Variants in SRPK2 observed in about 807,000 individuals in gnomAD.
The protein encoded by SRPK2 is SRSF protein kinase 2, also known as SFRS protein kinase 2.
SRPK2 carries 21 observed loss-of-function variants against 90.8 expected under a neutral mutation model. The ratio of observed to expected loss-of-function variants is 0.23; its 90% confidence interval spans 0.16 to 0.33. The LOEUF (loss-of-function observed/expected upper bound fraction) is 0.33. Among genes scored for constraint, SRPK2 ranks in the 10% least tolerant of loss-of-function variants. The probability of loss-of-function intolerance (pLI) is 1.00; values close to 1 mark genes in which losing one functional copy is unlikely to be tolerated. For synonymous variants in SRPK2, 288 were observed against 311.1 expected (o/e 0.93, Z 0.78); for missense variants, 620 against 869.0 (o/e 0.71, Z 3.60).
chr7:105,138,039 C>T (rs999876438), intron 11 of SRPK2, among the ~76,000 whole-genome samples: 1 of 152,076 alleles, frequency 6.6e-6, no homozygotes, highest in African/African-American at 2.4e-5. Context: ...TAGAATTTGC[C>T]AATATTAAAA....
At chr7:105,158,814 T>G (rs57160311) in intron 7 of SRPK2, among the ~76,000 whole-genome samples, 1,739 of 146,220 alleles carry the variant, frequency 0.012, 25 homozygotes, top group African/African-American at 0.04. Context: ...TTTTTTGTGT[T>G]TTTTTTTTTT....
chr7:105,132,604 G>A (rs561462929), intron 13 of SRPK2, among the ~76,000 whole-genome samples, 187 bp downstream of exon 13: 5 of 152,152 alleles, frequency 3.3e-5, no homozygotes, highest in South Asian at 4.1e-4. Context: ...CCCAGGGCCC[G>A]CCTGAGGAGG....
chr7:105,300,329 A>G (rs2131234909), intron 2 of SRPK2, among the ~76,000 whole-genome samples: 1 of 151,908 alleles, frequency 6.6e-6, no homozygotes, highest in Middle Eastern at 3.4e-3. Context: ...AACTTGTGTG[A>G]CTTGTATAGT....
chr7:105,333,932 G>GT (rs750157059), intron 2 of SRPK2, among the ~76,000 whole-genome samples: 1 of 151,934 alleles, frequency 6.6e-6, no homozygotes. Context: ...GTTTTGTTTT[G>GT]TTTTTTTGAG....
intron 2 of SRPK2, among the ~76,000 whole-genome samples, chr7:105,251,379 CT>C (rs1563146854): frequency 6.6e-6 from 1 of 151,892 alleles, no homozygotes; most frequent in Non-Finnish European, 1.5e-5. Flanking sequence ...TTTTTCTTTT[CT>C]TTTTTTAGAG....
At chr7:105,305,954 G>A (rs550967134) in intron 2 of SRPK2, among the ~76,000 whole-genome samples, 26 of 152,234 alleles carry the variant, frequency 1.7e-4, no homozygotes, top group African/African-American at 5.3e-4. Context: ...TCTTTAGTAC[G>A]GAACACTTTC....
At chr7:105,303,507 G>A (rs1205332688) in intron 2 of SRPK2, among the ~76,000 whole-genome samples, 2 of 151,710 alleles carry the variant, frequency 1.3e-5, no homozygotes, top group African/African-American at 4.8e-5. Context: ...CATTTAATTA[G>A]GGGTGGCATT....
intron 2 of SRPK2, among the ~76,000 whole-genome samples, chr7:105,264,655 A>G (rs141350309): frequency 1.3e-5 from 2 of 152,358 alleles, no homozygotes; most frequent in African/African-American, 2.4e-5. Context: ...ACACTAAAAT[A>G]CATCAAAAAC....
At chr7:105,239,648 T>C (rs562205409) in intron 2 of SRPK2, among the ~76,000 whole-genome samples, 1 of 152,296 alleles carries the variant, frequency 6.6e-6, no homozygotes, top group Non-Finnish European at 1.5e-5. Context: ...AATGGAGCCA[T>C]AATTAACAAA....
intron 2 of SRPK2, among the ~76,000 whole-genome samples, chr7:105,342,346 T>A (rs1385102091): frequency 6.7e-6 from 1 of 149,524 alleles, no homozygotes; most frequent in Middle Eastern, 3.2e-3. Context: ...AATAATAATA[T>A]TAATAATAAT....
intron 6 of SRPK2, among the ~76,000 whole-genome samples, chr7:105,162,741 G>A (rs1000358095): frequency 1.3e-5 from 2 of 152,166 alleles, no homozygotes; most frequent in African/African-American, 2.4e-5. Context: ...ATAGGGCGAG[G>A]CCCAGGATAT....
chr7:105,397,244 T>C (rs1475830039), intron 1 of SRPK2, among the ~76,000 whole-genome samples: 5 of 152,100 alleles, frequency 3.3e-5, no homozygotes, highest in Non-Finnish European at 7.4e-5. Context: ...TCTCGATCTT[T>C]TGACGTCGTG....
intron 7 of SRPK2, among the ~76,000 whole-genome samples, chr7:105,159,000 T>C (rs546627422): frequency 8.5e-5 from 13 of 152,182 alleles, no homozygotes; most frequent in African/African-American, 2.6e-4. Context: ...ATGCTACTAT[T>C]TGAAAGCTAA....
intron 3 of SRPK2, among the ~76,000 whole-genome samples, chr7:105,180,342 A>C (rs918892330): frequency 6.6e-6 from 1 of 152,214 alleles, no homozygotes; most frequent in Non-Finnish European, 1.5e-5. Context: ...TTCCTAGTCC[A>C]TAAGTGGTGC....
At chr7:105,298,307 T>A (rs944104305) in intron 2 of SRPK2, among the ~76,000 whole-genome samples, 1 of 152,194 alleles carries the variant, frequency 6.6e-6, no homozygotes, top group South Asian at 2.1e-4. Context: ...CATGTATTAG[T>A]AGTAGTATAT....
chr7:105,328,412 A>C (rs557791499), intron 2 of SRPK2, among the ~76,000 whole-genome samples: 1 of 151,644 alleles, frequency 6.6e-6, no homozygotes, highest in Non-Finnish European at 1.5e-5. Context: ...AAATACAAAA[A>C]ATTAGCCAGG....
chr7:105,301,856 G>A, intron 2 of SRPK2: 1 of 1,574,380 alleles, frequency 6.4e-7, no homozygotes, highest in Non-Finnish European at 8.7e-7. Context: ...GCAGTTCATG[G>A]AGAATCACAA....
chr7:105,200,148 A>G (rs1218050064), intron 3 of SRPK2, among the ~76,000 whole-genome samples: 1 of 152,130 alleles, frequency 6.6e-6, no homozygotes, highest in Non-Finnish European at 1.5e-5. Context: ...CTAAAAATAC[A>G]AAGGTTAACC....
rs931175745 is a variant in SRPK2 at position 105,132,777 on chromosome 7, A to G, written c.1752+14T>C. 3.1e-6 allele frequency: 5 copies of G among 1,595,506 alleles called. No individual in the cohort carries two copies. Among genetic ancestry groups the G allele is most frequent in the Non-Finnish European group, 4.3e-6 (5 of 1,168,086 alleles). The stretch of plus-strand genomic sequence containing the variant: ...GCCAATTCCCATGGCAGCAAAGGGC[A>G]CAGCCGTCCTTACCATACACGCCGT... On this transcript the variant is annotated intron_variant, in intron 13 of 15. Coordinates refer to ENST00000393651, the MANE Select transcript of SRPK2 (RefSeq NM_182692.3).
Sources: gnomAD v4.1 joint callset for allele counts (sites outside exome capture counted in the v4.1 genomes callset) on GRCh38, gnomAD v4.1.1 for gene constraint, MANE v1.5 for transcripts, NCBI Gene and HGNC (gene_info 2026-07-23, HGNC 2026-07-21) for gene names.